The following SARDH variants were observed in gnomAD, a reference collection of about 807,000 sequenced individuals.
SARDH encodes the protein sarcosine dehydrogenase, mitochondrial.
Under a neutral mutation model 109.1 loss-of-function variants are expected in SARDH, and 95 were observed. The observed-to-expected ratio is 0.87, with a 90% confidence interval of 0.74 to 1.03. SARDH has a LOEUF of 1.03. SARDH is among the 50% of genes least tolerant of loss of function. The pLI, the probability that SARDH is intolerant of heterozygous loss-of-function variation, is 0.00. For missense variants in SARDH, 1,267 were observed against 1,287.8 expected (o/e 0.98, Z 0.25); for synonymous variants, 572 against 534.8 (o/e 1.07, Z -0.96).
In SARDH at chr9:133,670,705, C is replaced by T. The variant is rs1197635408; in HGVS notation, c.2374G>A (p.Glu792Lys). 2 of 1,605,522 alleles carry T rather than the reference C, an allele frequency of 1.2e-6. No individual in the cohort carries two copies. Among genetic ancestry groups the T allele is most frequent in the Non-Finnish European group, 1.7e-6 (2 of 1,176,938 alleles). ...TTGCAGGTGAAGGCCAGGCCTGCCT[C>T]CAGGGGGCTGTCGTCTGGCCGCAGG... ...ADLRPDDSPL[E>K]AGLAFTCKLK... The change falls in exon 19 of 21, where the codon GAG becomes AAG. Residue 792 changes from glutamate to lysine, a missense_variant. Transcript: ENST00000439388.
At chr9:133,734,242 A>T in intron 1 of SARDH, 39 bp from the exon 2 acceptor site, 1 of 1,382,164 alleles carries the variant, frequency 7.2e-7, no homozygotes, top group Non-Finnish European at 9.6e-7. Context: ...TGCAGAGGGG[A>T]CACGCTGGGG....
chr9:133,685,470 A>C (rs946923773), intron 16 of SARDH, among the ~76,000 whole-genome samples, 184 bp from the exon 17 acceptor site: 3 of 152,224 alleles, frequency 2.0e-5, no homozygotes, highest in African/African-American at 7.2e-5. Flanking sequence ...TAAGACAGCC[A>C]CCTTCCAACG....
intron 13 of SARDH, among the ~76,000 whole-genome samples, chr9:133,702,585 A>T (rs1008001953): frequency 4.6e-5 from 7 of 152,170 alleles, no homozygotes; most frequent in African/African-American, 1.7e-4. Context: ...GCCTCGGCGC[A>T]GCTCCGGAGA....
At chr9:133,684,227 C>T (rs1376035789) in intron 17 of SARDH, among the ~76,000 whole-genome samples, 1 of 152,232 alleles carries the variant, frequency 6.6e-6, no homozygotes, top group Non-Finnish European at 1.5e-5. Context: ...GCCACTGGCA[C>T]CTAGTGGGCG....
intron 17 of SARDH, among the ~76,000 whole-genome samples, chr9:133,682,839 G>A (rs557732196): frequency 3.3e-4 from 46 of 139,530 alleles, no homozygotes; most frequent in African/African-American, 1.2e-3. Context: ...TGAAACCCAC[G>A]CGCAGTGATG....
At chr9:133,685,003 G>A (rs1830832349) in intron 17 of SARDH, among the ~76,000 whole-genome samples, 190 bp downstream of exon 17, 1 of 152,176 alleles carries the variant, frequency 6.6e-6, no homozygotes, top group South Asian at 2.1e-4. Flanking sequence ...TGATCCACAT[G>A]ACCTCTCCAA....
intron 19 of SARDH, chr9:133,667,194 G>GTTTTT (rs59643474): frequency 1.2e-5 from 4 of 322,266 alleles, no homozygotes; most frequent in Admixed American, 4.9e-5. Context: ...TTCAACTCTG[G>GTTTTT]TTTTTTTTTT....
chr9:133,695,552 C>T (rs544010424), intron 14 of SARDH, among the ~76,000 whole-genome samples: 2 of 152,312 alleles, frequency 1.3e-5, no homozygotes, highest in Admixed American at 1.3e-4. Flanking sequence ...CCGGCCACCA[C>T]CAGCAGCTGG....
rs1831973764 is a variant in SARDH, at chr9:133,712,764, T to C, written c.1238-55A>G. ...TCTGCCCCCCAGGGTCCCCCACCCATGTCCAAACATGTGCCCCCATCTCCA... is the reference window on the plus strand; with the variant it reads ...TCTGCCCCCCAGGGTCCCCCACCCACGTCCAAACATGTGCCCCCATCTCCA... On this transcript the variant is annotated intron_variant, in intron 9 of 20. Transcript: ENST00000439388. The surrounding 1 kb of genome is among the most constrained non-coding windows in gnomAD (Gnocchi z 4.1). The C allele has an allele frequency of 2.0e-6, 3 of 1,503,156 alleles. No individual in the cohort carries two copies. Among genetic ancestry groups the C allele is most frequent in the Admixed American group, 3.4e-5 (2 of 59,326 alleles). The allele number at this position is 1,503,156 out of a possible 1,614,324, so 93.1% of individuals were successfully genotyped here. A position where few individuals can be genotyped will look rare whatever the true frequency, so the allele number is the denominator to read the frequency against.
At position 133,690,460 on chromosome 9, in the gene SARDH, C is replaced by A. The variant is rs189052956; in HGVS notation, c.1989G>T (p.Val663=). ...AQHNWSHITT[V]LQDQKSQCQL... is the part of the protein sequence containing the mutation. ...GGCACTGGGACTTCTGGTCCTGCAG[C>A]ACGGTGGTGATGTGGGACCAGTTGT... is the stretch of plus-strand genomic sequence containing the variant. The change falls in exon 16 of 21, where the codon GTG becomes GTT. Residue 663 remains valine (V), a synonymous_variant. Transcript: ENST00000439388. The A allele has an allele frequency of 9.7e-5, 157 of 1,612,618 alleles. No individual in the cohort carries two copies. The East Asian group carries it at 3.4e-3, about 35-fold the overall frequency.
chr9:133,726,397 G>A (rs10821520), intron 6 of SARDH, among the ~76,000 whole-genome samples: 3,539 of 18,886 alleles, frequency 0.19, 55 homozygotes, highest in Non-Finnish European at 0.28. Context: ...AATAATAATA[G>A]TAGTAGTAGT....
chr9:133,686,008 G>A lies in SARDH; in HGVS notation c.2070-722C>T, dbSNP rs1338371061. ...GGGCTTAGCACCCAGCAGGTGCTAA[G>A]AGCCATTTCAACCTCCTAGGGGACT... On this transcript the variant is annotated intron_variant, in intron 16 of 20. Transcript: ENST00000439388. This position sits in a 1 kb window ranked among gnomAD's most constrained non-coding sequence, Gnocchi z 4.0. 6.6e-6 allele frequency among the ~76,000 whole-genome samples: 1 copy of A among 152,150 alleles called. No individual in the cohort carries two copies. Among genetic ancestry groups the A allele is most frequent in the Non-Finnish European group, 1.5e-5 (1 of 68,002 alleles).
chr9:133,724,570 T>G (rs1205489526), intron 6 of SARDH, among the ~76,000 whole-genome samples: 9 of 152,214 alleles, frequency 5.9e-5, no homozygotes, highest in Non-Finnish European at 1.2e-4. Context: ...CTGGTGGGAA[T>G]GTAAAATGGT....
At chr9:133,696,193 G>C (rs769505526) in intron 14 of SARDH, 30 bp downstream of exon 14, 1 of 1,611,406 alleles carries the variant, frequency 6.2e-7, no homozygotes, top group Non-Finnish European at 8.5e-7. Context: ...GGAGTGACAG[G>C]AACATGCCCC....
At chr9:133,734,408 C>CACTCATTCATTCAT (rs1832805478) in intron 1 of SARDH, among the ~76,000 whole-genome samples, 3 of 110,578 alleles carry the variant, frequency 2.7e-5, no homozygotes, top group Non-Finnish European at 3.7e-5. Context: ...CATTCATTCA[C>CACTCATTCATTCAT]TCATTCATTC....
intron 4 of SARDH, among the ~76,000 whole-genome samples, chr9:133,731,015 GGAGTT>G (rs1428470897): frequency 6.6e-6 from 1 of 152,182 alleles, no homozygotes; most frequent in Non-Finnish European, 1.5e-5. Flanking sequence ...AATGATGTGC[GGAGTT>G]GAGACAAACA....
chr9:133,724,233 TG>T (rs1324404358), intron 6 of SARDH, among the ~76,000 whole-genome samples: 1 of 152,168 alleles, frequency 6.6e-6, no homozygotes, highest in Non-Finnish European at 1.5e-5. Context: ...TTTCAATCAC[TG>T]AATGGAAGAA....
At chr9:133,659,693 C>T (rs184189880), downstream of SARDH, among the ~76,000 whole-genome samples, 335 of 152,324 alleles carry the variant, frequency 2.2e-3, 2 homozygotes, top group South Asian at 0.017. Flanking sequence ...AGGGAAGTCA[C>T]GAGCCCAGGA....
At chr9:133,702,211 T>C (rs1414869791) in intron 13 of SARDH, among the ~76,000 whole-genome samples, 1 of 152,246 alleles carries the variant, frequency 6.6e-6, no homozygotes, top group African/African-American at 2.4e-5. Context: ...GGGCAGACGC[T>C]GGCCTCGCTC....
Sources: allele counts gnomAD v4.1 joint callset (sites outside exome capture counted in the v4.1 genomes callset), GRCh38; gene constraint gnomAD v4.1.1; non-coding constraint Gnocchi (gnomAD v3.1); transcripts MANE v1.5; gene names NCBI Gene and HGNC (gene_info 2026-07-23, HGNC 2026-07-21).